The following CELF2 variants were observed in gnomAD, a reference collection of about 807,000 sequenced individuals.
CELF2 encodes CUGBP Elav-like family member 2, also known as CUG triplet repeat RNA-binding protein 2.
Under a neutral mutation model 62.6 loss-of-function variants are expected in CELF2, and 8 were observed. That is an observed-to-expected ratio of 0.13 (90% CI 0.07 to 0.23). CELF2 has a LOEUF of 0.23. Ranked by LOEUF, CELF2 falls within the 10% of genes least tolerant of loss-of-function variation. The pLI is 1.00. For missense variants in CELF2, 333 were observed against 671.0 expected (o/e 0.50, Z 5.56); for synonymous variants, 258 against 250.0 (o/e 1.03, Z -0.30).
At chr10:10,560,358 C>T in the CELF2 span, among the ~76,000 whole-genome samples, 3 of 152,154 alleles carry the variant, frequency 2.0e-5, no homozygotes, top group Non-Finnish European at 4.4e-5. Flanking sequence ...ATGGATGGCC[C>T]TTGAAATATA....
intron 1 of CELF2, among the ~76,000 whole-genome samples, chr10:10,877,445 T>C (rs1445300559): frequency 6.6e-6 from 1 of 152,196 alleles, no homozygotes; most frequent in Non-Finnish European, 1.5e-5. Flanking sequence ...TTCCAGGTCG[T>C]AGGTAGATTC....
At chr10:11,164,348 C>A (rs1158949206) in intron 1 of CELF2, among the ~76,000 whole-genome samples, 2 of 152,220 alleles carry the variant, frequency 1.3e-5, no homozygotes, top group Non-Finnish European at 2.9e-5. Flanking sequence ...AAAGACATGT[C>A]TTCATCATCG....
At chr10:11,303,830 C>G (rs1565881757) in intron 9 of CELF2, among the ~76,000 whole-genome samples, 1 of 152,166 alleles carries the variant, frequency 6.6e-6, no homozygotes, top group African/African-American at 2.4e-5. Flanking sequence ...GCAGCCAGAC[C>G]CCTGGGTTTA....
At chr10:11,283,577 AGATGGATGGGTGACTAGAT>A (rs2089773466) in intron 8 of CELF2, among the ~76,000 whole-genome samples, 4 of 135,392 alleles carry the variant, frequency 3.0e-5, no homozygotes, top group Admixed American at 2.2e-4. Context: ...GTGGGTGGGT[AGATGGATGGGTGACTAGAT>A]GATGGATGGG....
Position 10,883,368 on chromosome 10 carries a change from G to A in CELF2, c.54-36596G>A, listed in dbSNP as rs558449873. ...AAATTTGAGAAGTACAGCATTTTTC[G>A]TGTTCCAAAATTTTCTATCCTGTAT... is the stretch of plus-strand genomic sequence containing the variant. On this transcript the variant is annotated intron_variant, in intron 1 of 13. Transcript: ENST00000636488. Among the ~76,000 whole-genome samples, 32 of 152,168 alleles carry A rather than the reference G, an allele frequency of 2.1e-4. No homozygotes were observed. In the East Asian group the frequency reaches 3.9e-3, roughly 18 times the overall value.
rs2242453 is a variant in CELF2 at position 11,260,200 on chromosome 10, C to T, written c.538+2328C>T. Among the ~76,000 whole-genome samples, 7,388 of 152,284 alleles carry T rather than the reference C, an allele frequency of 0.049. 308 individuals are homozygous for T. The highest frequency in any genetic ancestry group is 0.11 in the African/African-American group (4,565 of 41,528). On this transcript the variant is annotated intron_variant, in intron 5 of 12. Transcript: ENST00000633077. This position sits in a 1 kb window ranked among gnomAD's most constrained non-coding sequence, Gnocchi z 4.2. ...TGCTTCTCTTGCAGGGAGTCATTCA[C>T]GGCTGGTGTGCTAGCTTTTCGTCTG...
intron 1 of CELF2, among the ~76,000 whole-genome samples, chr10:11,121,811 G>A (rs530930770): frequency 1.3e-5 from 2 of 152,118 alleles, no homozygotes; most frequent in South Asian, 4.1e-4. Flanking sequence ...CTGTCTTTCC[G>A]GAGGTCTTAA....
intron 11 of CELF2, among the ~76,000 whole-genome samples, chr10:11,325,146 G>A (rs1299695911): frequency 2.0e-5 from 3 of 152,132 alleles, no homozygotes; most frequent in Non-Finnish European, 2.9e-5. Context: ...ATAGGTGGAC[G>A]GGCAGAGCTT....
rs143699337 is a variant in CELF2 at position 11,218,500 on chromosome 10, T to G, written c.354+993T>G. On this transcript the variant is annotated intron_variant, in intron 3 of 12. Transcript: ENST00000633077. ...GCCCCCAGAAAAGATAGCATTTGTA[T>G]GATTCATCCTAGACTCGTTCACAAT... 4.8e-3 allele frequency among the ~76,000 whole-genome samples: 727 copies of G among 152,362 alleles called. 4 individuals are homozygous for G. Among genetic ancestry groups the G allele is most frequent in the Non-Finnish European group, 7.0e-3 (476 of 68,038 alleles).
the CELF2 span, among the ~76,000 whole-genome samples, chr10:10,497,049 G>T: frequency 2.8e-4 from 42 of 152,036 alleles, no homozygotes; most frequent in Non-Finnish European, 1.5e-5. Flanking sequence ...AAATTAGCTG[G>T]GCAAGGTGGC....
At chr10:10,754,436 G>C in the CELF2 span, among the ~76,000 whole-genome samples, 5 of 152,208 alleles carry the variant, frequency 3.3e-5, no homozygotes, top group Admixed American at 3.3e-4. Context: ...CCAAGGATAA[G>C]CCAACACGCT....
chr10:10,521,819 G>A, the CELF2 span, among the ~76,000 whole-genome samples: 86,449 of 152,096 alleles, frequency 0.57, 24,665 homozygotes, highest in South Asian at 0.67. Context: ...AGGATTCTGC[G>A]AAAATGTCTG....
chr10:10,506,073 T>C, the CELF2 span, among the ~76,000 whole-genome samples: 2 of 119,296 alleles, frequency 1.7e-5, no homozygotes, highest in African/African-American at 5.3e-5. Context: ...GAAGTCGGTA[T>C]TCTCTCATTT....
chr10:11,026,559 G>A (rs570706968), intron 1 of CELF2, among the ~76,000 whole-genome samples: 3 of 152,330 alleles, frequency 2.0e-5, no homozygotes, highest in Non-Finnish European at 2.9e-5. Context: ...GATTTACTTC[G>A]TTGTTTTGCT....
Position 11,159,631 on chromosome 10 carries a change from C to A in CELF2, c.75-5855C>A, listed in dbSNP as rs1207606251. Among the ~76,000 whole-genome samples, 1 of 152,178 alleles carries A rather than the reference C, an allele frequency of 6.6e-6. No individual in the cohort carries two copies. Among genetic ancestry groups the A allele is most frequent in the Non-Finnish European group, 1.5e-5 (1 of 68,036 alleles). ...AGTCTGTTGGGAAGAGATTTCTCTT[C>A]TTAAATAATGGCAACACCAAAATGA... On this transcript the variant is annotated intron_variant, in intron 1 of 12. Transcript: ENST00000633077. The surrounding 1 kb of genome is among the most constrained non-coding windows in gnomAD (Gnocchi z 5.0).
the CELF2 span, among the ~76,000 whole-genome samples, chr10:10,583,114 T>C: frequency 2.6e-5 from 4 of 152,188 alleles, no homozygotes; most frequent in African/African-American, 9.7e-5. Context: ...TGTCTTCAAA[T>C]ATTCGAAGGC....
intron 12 of CELF2, among the ~76,000 whole-genome samples, chr10:11,327,201 G>T (rs149161473): frequency 6.6e-6 from 1 of 150,428 alleles, no homozygotes; most frequent in Non-Finnish European, 1.5e-5. Flanking sequence ...TATGGGGGGC[G>T]GGGGGGTGTG....
At chr10:10,588,194 C>G in the CELF2 span, among the ~76,000 whole-genome samples, 1 of 152,098 alleles carries the variant, frequency 6.6e-6, no homozygotes, top group Non-Finnish European at 1.5e-5. Flanking sequence ...CCCATTACCC[C>G]AAATCCCAGG....
At chr10:11,239,707 CT>C (rs111326473) in intron 3 of CELF2, among the ~76,000 whole-genome samples, 13 of 149,336 alleles carry the variant, frequency 8.7e-5, no homozygotes, top group Middle Eastern at 3.5e-3. Context: ...CTCAAATCCA[CT>C]TTTTTTTTTA....
Sources: gnomAD v4.1 joint callset for allele counts (sites outside exome capture counted in the v4.1 genomes callset) on GRCh38, gnomAD v4.1.1 for gene constraint, Gnocchi (gnomAD v3.1) non-coding constraint, MANE v1.5 for transcripts, NCBI Gene and HGNC (gene_info 2026-07-23, HGNC 2026-07-21) for gene names.